SHC1: variants seen among roughly 807,000 people sequenced by gnomAD.
The protein encoded by SHC1 is SHC-transforming protein 1.
SHC1 carries 30 observed loss-of-function variants against 55.9 expected under a neutral mutation model. The ratio of observed to expected loss-of-function variants is 0.54; its 90% CI spans 0.40 to 0.73. SHC1 has a LOEUF of 0.73. SHC1 is among the 30% of genes least tolerant of loss of function. The probability of loss-of-function intolerance (pLI) is 0.00; values close to 1 mark genes in which losing one functional copy is unlikely to be tolerated. For synonymous variants in SHC1, 309 were observed against 306.1 expected, an observed-to-expected ratio of 1.01 and a Z score of -0.10; for missense variants, 675 against 777.1, an observed-to-expected ratio of 0.87 and a Z score of 1.56.
rs781601011 is a variant in SHC1 at position 154,965,711 on chromosome 1, CCCTCGGAGCTGCTCAG to C, written c.1442_1457del (p.Ala481GlyfsTer9). The stretch of plus-strand genomic sequence containing the variant: ...TCAGCTTCCCATGGAACCAGGGCTC[CCCTCGGAGCTGCTCAG>C]CCATGGACACCGACTGGGGAGGTGG... On this transcript the variant is annotated frameshift_variant, in exon 11 of 12. Transcript: ENST00000448116. LOFTEE classifies it high-confidence loss of function. 1 of 1,614,170 alleles carries C rather than the reference CCCTCGGAGCTGCTCAG, an allele frequency of 6.2e-7. No homozygotes were observed. Among genetic ancestry groups the C allele is most frequent in the Non-Finnish European group, 8.5e-7 (1 of 1,180,026 alleles).
At position 154,965,689 on chromosome 1, in the gene SHC1, G is replaced by C. The variant is rs1416071749; in HGVS notation, c.1480C>G (p.Leu494Val). The C allele has an allele frequency of 6.2e-7, 1 of 1,614,194 alleles. No homozygotes were observed. The highest frequency in any genetic ancestry group is 1.7e-5 in the Admixed American group (1 of 60,028). Reference sequence around the variant, plus strand: ...AGTGCCTCAGCCTCCCGCCGGCTCAGCTTCCCATGGAACCAGGGCTCCCCT... The same window carrying C: ...AGTGCCTCAGCCTCCCGCCGGCTCACCTTCCCATGGAACCAGGGCTCCCCT... ...LRGEPWFHGK[L>V]SRREAEALLQ... The change falls in exon 11 of 12, where the codon CTG becomes GTG. Residue 494 changes from leucine (L) to valine (V), a missense_variant. By Grantham distance (32) the Leu-to-Val change is conservative. This residue lies in a region of SHC1 where 360 missense variants were observed against 371.1 expected (regional missense o/e 0.97). Transcript: ENST00000448116.
chr1:154,964,021 A>C, intron 11 of SHC1, 90 bp from the exon 12 acceptor site: 1 of 1,414,256 alleles, frequency 7.1e-7, no homozygotes, highest in Non-Finnish European at 1.0e-6. Flanking sequence ...AACAGACAAG[A>C]GGCTTGAAGG....
rs149339750 is a variant in SHC1 at position 154,969,037 on chromosome 1, A to G, written c.567-203T>C. On this transcript the variant is annotated intron_variant, in intron 2 of 11. Transcript: ENST00000448116. Reference sequence around the variant, plus strand: ...CCTGGCTGATTGGGTTAGGGCCTCAATGGGTATAGCCCCACCCCCTTCCAG... The same window carrying G: ...CCTGGCTGATTGGGTTAGGGCCTCAGTGGGTATAGCCCCACCCCCTTCCAG... 3.2e-4 allele frequency: 199 copies of G among 619,678 alleles called. 1 individual carries two copies. The African/African-American group carries it at 3.4e-3, about 10-fold the overall frequency. The allele number at this position is 619,678 out of a possible 1,614,324, so 38.4% of individuals were successfully genotyped here.
At chr1:154,966,921 A>G (rs546697180) in intron 7 of SHC1, among the ~76,000 whole-genome samples, 131 of 152,332 alleles carry the variant, frequency 8.6e-4, no homozygotes, top group Admixed American at 3.8e-3. Context: ...AGGACAACAT[A>G]GCGAGACCTT....
In SHC1 at chr1:154,965,940, A is replaced by G; in HGVS notation, c.1387+6T>C. 6.2e-7 allele frequency: 1 copy of G among 1,606,482 alleles called. No individual in the cohort carries two copies. The highest frequency in any genetic ancestry group is 8.5e-7 in the Non-Finnish European group (1 of 1,174,402). ...GGATGCAGAGAGGAGAGAGACGAGC[A>G]CTCACTCATGTCAAACAGGTCCCGG... On this transcript the variant is annotated splice_donor_region_variant and intron_variant, in intron 10 of 11. Coordinates refer to ENST00000448116, the MANE Select transcript of SHC1 (RefSeq NM_001130040.2).
Position 154,968,517 on chromosome 1 carries a change from AGGTTGAG to A in SHC1, c.721_727del (p.Leu241SerfsTer40). The A allele has an allele frequency of 6.2e-7, 1 of 1,614,022 alleles. No individual in the cohort carries two copies. The highest frequency in any genetic ancestry group is 8.5e-7 in the Non-Finnish European group (1 of 1,179,986). On this transcript the variant is annotated frameshift_variant, in exon 4 of 12. Transcript: ENST00000448116. LOFTEE classifies it high-confidence loss of function. ...AACCTGTTTGCAGTCTGCGGCCATGAGGTTGAGGCTGCTGGTGGAGACGGTGAGAGTG... is the reference window on the plus strand; with the variant it reads ...AACCTGTTTGCAGTCTGCGGCCATGAGCTGCTGGTGGAGACGGTGAGAGTG...
chr1:154,973,478 T>C (rs1373621713), upstream of SHC1: 1 of 128,164 alleles, frequency 7.8e-6, no homozygotes, highest in African/African-American at 3.1e-5. Context: ...ACCATTGCAC[T>C]CCAGCCTGGA....
At position 154,968,247 on chromosome 1, in the gene SHC1, T is replaced by C. The variant is rs1355268286; in HGVS notation, c.761A>G (p.Asn254Ser). 2 of 1,614,148 alleles carry C rather than the reference T, an allele frequency of 1.2e-6. No homozygotes were observed. Among genetic ancestry groups the C allele is most frequent in the Non-Finnish European group, 8.5e-7 (1 of 1,180,002 alleles). ...MAADCKQIIA[N>S]HHMQSISFAS... Reference sequence around the variant, plus strand: ...AAATGAGATAGATTGCATGTGGTGGTTGGCGATGATCTGAGAATTAGGGCA... The same window carrying C: ...AAATGAGATAGATTGCATGTGGTGGCTGGCGATGATCTGAGAATTAGGGCA... Residue 254 changes from asparagine (N) to serine (S), a missense_variant, in exon 5 of 12, where the codon AAC (asparagine) becomes AGC (serine). Around this residue, in one of 3 missense-constraint regions of SHC1, gnomAD observed 159 missense variants for 246.9 expected, o/e 0.64. Transcript: ENST00000448116.
In SHC1 at chr1:154,969,434, C is replaced by T. The variant is rs1201061277; in HGVS notation, c.510G>A (p.Val170=). 6.2e-7 allele frequency: 1 copy of T among 1,611,826 alleles called. No individual in the cohort carries two copies. Among genetic ancestry groups the T allele is most frequent in the Non-Finnish European group, 8.5e-7 (1 of 1,178,574 alleles). Residue 170 remains valine, a synonymous_variant, in exon 2 of 12, where the codon GTG becomes GTA. Coordinates refer to ENST00000448116, the MANE Select transcript of SHC1 (RefSeq NM_001130040.2). ...VSYLVRYMGC[V]EVLQSMRALD... is the part of the protein sequence containing the mutation. ...GGGCACGCATTGACTGGAGGACCTC[C>T]ACACAACCCATGTACTAAGGGGAGG... is the stretch of plus-strand genomic sequence containing the variant.
intron 7 of SHC1, 46 bp downstream of exon 7, chr1:154,967,625 C>G (rs1425191343): frequency 1.2e-6 from 2 of 1,600,314 alleles, no homozygotes; most frequent in Non-Finnish European, 1.7e-6. Context: ...CCCTCCTTTC[C>G]TAATCCTAAT....
intron 7 of SHC1, among the ~76,000 whole-genome samples, chr1:154,966,771 C>T (rs959481763): frequency 1.3e-5 from 2 of 152,182 alleles, no homozygotes; most frequent in African/African-American, 2.4e-5. Flanking sequence ...AACTAAAAGG[C>T]GGCCGAGCTC....
At chr1:154,968,462 G>A in intron 4 of SHC1, 33 bp downstream of exon 4, 2 of 1,613,580 alleles carry the variant, frequency 1.2e-6, no homozygotes, top group African/African-American at 1.3e-5. Flanking sequence ...ACCCCCATCA[G>A]TGTTTCTGGT....
rs1655549529 is a variant in SHC1 at position 154,963,574 on chromosome 1, T to G, written c.*229A>C. 2 of 484,664 alleles carry G rather than the reference T, an allele frequency of 4.1e-6. No individual in the cohort carries two copies. Among genetic ancestry groups the G allele is most frequent in the Non-Finnish European group, 7.5e-6 (2 of 266,720 alleles). 30.0% of individuals were successfully genotyped at this position (484,664 alleles called of 1,614,324 possible). On this transcript the variant is annotated 3_prime_UTR_variant, in exon 12 of 12. Coordinates refer to ENST00000448116, the MANE Select transcript of SHC1 (RefSeq NM_001130040.2). ...AGGAAAGGCCCAGGTGAGGGGCCAC[T>G]CTGTACATTAATACTTTGGTGATTA...
upstream of SHC1, chr1:154,974,151 G>A (rs1657027565): frequency 6.5e-6 from 1 of 154,594 alleles, no homozygotes; most frequent in African/African-American, 2.4e-5. Flanking sequence ...GGGTCTCAGG[G>A]GCGGGACTTA....
intron 10 of SHC1, 34 bp from the exon 11 acceptor site, chr1:154,965,815 C>T (rs1390238080): frequency 1.9e-6 from 3 of 1,589,836 alleles, no homozygotes; most frequent in Non-Finnish European, 2.6e-6. Flanking sequence ...GGGGAAGTAG[C>T]AGGCACAACA....
Position 154,966,060 on chromosome 1 carries a change from C to G in SHC1, c.1273G>C (p.Asp425His). The G allele has an allele frequency of 3.7e-6, 6 of 1,614,022 alleles. No homozygotes were observed. Among genetic ancestry groups the G allele is most frequent in the Non-Finnish European group, 5.1e-6 (6 of 1,179,960 alleles). ...TTCTGGACGTTGACATAGGAGGGAT[C>G]ATCAAAAAGCTCTCTGCCTGCTGAG... is the stretch of plus-strand genomic sequence containing the variant. ...PCPAGRELFD[D>H]PSYVNVQNLD... is the part of the protein sequence containing the mutation. The change falls in exon 10 of 12, where the codon GAT becomes CAT. Residue 425 changes from aspartate to histidine, a missense_variant. Asp to His is a moderately conservative substitution (Grantham distance 81). Around this residue, in one of 3 missense-constraint regions of SHC1, gnomAD observed 360 missense variants for 371.1 expected, o/e 0.97. Coordinates refer to ENST00000448116, the MANE Select transcript of SHC1 (RefSeq NM_001130040.2).
chr1:154,970,881 C>T, upstream of SHC1: 1 of 195,902 alleles, frequency 5.1e-6, no homozygotes, highest in Non-Finnish European at 1.0e-5. The surrounding 1 kb of genome is among the most constrained non-coding windows in gnomAD (Gnocchi z 5.5). Flanking sequence ...CCCGCCCCAA[C>T]CTCGAACTGG....
chr1:154,968,801 C>T lies in SHC1; in HGVS notation c.600G>A (p.Pro200=), dbSNP rs148304885. The change falls in exon 3 of 12, where the codon CCG becomes CCA. Residue 200 remains proline (P), a synonymous_variant. Transcript: ENST00000448116. Reference sequence around the variant, plus strand: ...TCCTCCTTGTCGCCCCCTTAGCACCCGGCACAGCCTCACACACCAGACTGA... The same window carrying T: ...TCCTCCTTGTCGCCCCCTTAGCACCTGGCACAGCCTCACACACCAGACTGA... ...EAISLVCEAV[P]GAKGATRRRK... is the part of the protein sequence containing the mutation. 7.4e-6 allele frequency: 12 copies of T among 1,614,046 alleles called. No homozygotes were observed. The African/African-American group carries it at 1.2e-4, about 16-fold the overall frequency.
chr1:154,968,283 A>G (rs1484786962), intron 4 of SHC1, 26 bp from the exon 5 acceptor site: 1 of 1,612,812 alleles, frequency 6.2e-7, no homozygotes, highest in East Asian at 2.2e-5. Flanking sequence ...GGGGATGAAG[A>G]AGGAAGGGAA....
Sources: allele counts gnomAD v4.1 joint callset (sites outside exome capture counted in the v4.1 genomes callset), GRCh38; gene constraint gnomAD v4.1.1; regional missense constraint gnomAD v4.1.1; non-coding constraint Gnocchi (gnomAD v3.1); transcripts MANE v1.5; gene names NCBI Gene and HGNC (gene_info 2026-07-23, HGNC 2026-07-21).